The following APBB2 variants were observed in gnomAD, a reference collection of about 807,000 sequenced individuals.
The protein encoded by APBB2 is amyloid beta precursor protein binding family B member 2.
APBB2 carries 38 observed loss-of-function variants against 82.5 expected under a neutral mutation model. The ratio of observed to expected loss-of-function variants is 0.46; its 90% CI spans 0.36 to 0.60. The LOEUF is 0.60. Among genes scored for constraint, APBB2 ranks in the 20% least tolerant of loss-of-function variants. The pLI, the probability that APBB2 is intolerant of heterozygous loss-of-function variation, is 0.00. For missense variants in APBB2, 772 were observed against 972.3 expected (o/e 0.79, Z 2.74); for synonymous variants, 341 against 368.2 (o/e 0.93, Z 0.85).
chr4:41,045,175 T>G (rs1722940843), intron 4 of APBB2, among the ~76,000 whole-genome samples: 1 of 152,190 alleles, frequency 6.6e-6, no homozygotes, highest in African/African-American at 2.4e-5. Flanking sequence ...GAGTTCTGTC[T>G]CCTTGTCTCT....
chr4:40,961,956 A>G (rs748497481), intron 6 of APBB2, among the ~76,000 whole-genome samples: 2 of 152,220 alleles, frequency 1.3e-5, no homozygotes, highest in African/African-American at 2.4e-5. Context: ...CCAGTCATTA[A>G]TCTGACTCAA....
At position 40,821,924 on chromosome 4, in the gene APBB2, A is replaced by G; in HGVS notation, c.2059T>C (p.Trp687Arg). Residue 687 changes from tryptophan (W) to arginine (R), a missense_variant, in exon 17 of 18, where the codon TGG (tryptophan) becomes CGG (arginine). Physicochemically the swap from Trp to Arg is moderately radical, Grantham distance 101. Coordinates refer to ENST00000508593, the MANE Select transcript of APBB2 (RefSeq NM_004307.2). Reference protein sequence around the residue: ...GNQRFECHVFWCEPNAGNVSE... With the variant: ...GNQRFECHVFRCEPNAGNVSE... Reference sequence around the variant, plus strand: ...ACGTTACCAGCATTAGGCTCGCACCAGAAAACGTGGCACTCAAAGCGCTGG... The same window carrying G: ...ACGTTACCAGCATTAGGCTCGCACCGGAAAACGTGGCACTCAAAGCGCTGG... 1.2e-6 allele frequency: 2 copies of G among 1,614,134 alleles called. No individual in the cohort carries two copies. The highest frequency in any genetic ancestry group is 1.7e-6 in the Non-Finnish European group (2 of 1,180,034).
intron 10 of APBB2, among the ~76,000 whole-genome samples, chr4:40,930,420 A>AGTGTGTGTGT (rs566261600): frequency 6.2e-5 from 9 of 145,796 alleles, no homozygotes; most frequent in African/African-American, 1.5e-4. Context: ...TCTTTGGGGA[A>AGTGTGTGTGT]GTGTGTGTGT....
chr4:41,167,713 G>A (rs1266075033), intron 1 of APBB2, among the ~76,000 whole-genome samples: 1 of 152,140 alleles, frequency 6.6e-6, no homozygotes, highest in African/African-American at 2.4e-5. Flanking sequence ...GTTCAAAAAC[G>A]GACAAACCCT....
Position 40,986,781 on chromosome 4 carries a change from T to C in APBB2, c.835+26802A>G, listed in dbSNP as rs79106878. 7.7e-3 allele frequency among the ~76,000 whole-genome samples: 1,170 copies of C among 152,280 alleles called. 8 individuals are homozygous for C. Among genetic ancestry groups the C allele is most frequent in the Non-Finnish European group, 0.013 (918 of 68,014 alleles). ...AGCCCTCGTGAAAGCACTGAAGAAA[T>C]CATTCAAAAAGATCTTTATTTCAAA... On this transcript the variant is annotated intron_variant, in intron 6 of 17. Transcript: ENST00000508593.
intron 1 of APBB2, among the ~76,000 whole-genome samples, chr4:41,190,211 A>G (rs1020330222): frequency 3.6e-5 from 5 of 137,176 alleles, no homozygotes; most frequent in Admixed American, 3.6e-4. Context: ...TCTAAAACTT[A>G]CTATATCAAA....
intron 4 of APBB2, among the ~76,000 whole-genome samples, chr4:41,046,994 C>A (rs1175773776): frequency 6.6e-6 from 1 of 152,206 alleles, no homozygotes; most frequent in African/African-American, 2.4e-5. Context: ...ATTCCCCTAG[C>A]CTGCCTTGGT....
chr4:41,131,521 T>C (rs1224648920), intron 2 of APBB2, among the ~76,000 whole-genome samples: 2 of 152,150 alleles, frequency 1.3e-5, no homozygotes. Flanking sequence ...CCTAATAGAT[T>C]AAAATTCCTG....
chr4:41,154,210 C>G (rs186514303), intron 1 of APBB2, among the ~76,000 whole-genome samples: 1 of 152,316 alleles, frequency 6.6e-6, no homozygotes, highest in African/African-American at 2.4e-5. Flanking sequence ...CCTTTGGAGG[C>G]AGCAGGCCTT....
At chr4:41,214,275 G>A (rs1241748307) in intron 1 of APBB2, 130 bp downstream of exon 1, 2 of 152,316 alleles carry the variant, frequency 1.3e-5, no homozygotes, top group African/African-American at 4.8e-5. Context: ...GGGGCCGGGA[G>A]CAGAGGAGAA....
rs1213469018 is a variant in APBB2 at position 40,815,861 on chromosome 4, T to G, written c.*231A>C. The G allele has an allele frequency of 2.0e-6, 1 of 497,962 alleles. No individual in the cohort carries two copies. The highest frequency in any genetic ancestry group is 3.0e-5 in the East Asian group (1 of 32,840). 30.8% of individuals were successfully genotyped at this position (497,962 alleles called of 1,614,324 possible). A position where few individuals can be genotyped will look rare whatever the true frequency, so the allele number is the denominator to read the frequency against. ...AATATTTACAATAAGAAAAAGACCT[T>G]CCACTGCGCATGATGTAACTTACAG... is the stretch of plus-strand genomic sequence containing the variant. On this transcript the variant is annotated 3_prime_UTR_variant, in exon 18 of 18. Transcript: ENST00000508593.
chr4:41,052,049 A>G (rs1188273623), intron 4 of APBB2, among the ~76,000 whole-genome samples: 1 of 152,122 alleles, frequency 6.6e-6, no homozygotes, highest in Admixed American at 6.5e-5. Flanking sequence ...GAATATTCTT[A>G]AAGCTTTTCA....
chr4:41,092,630 G>A lies in APBB2; in HGVS notation c.-149+8009C>T, dbSNP rs1175441374. On this transcript the variant is annotated intron_variant, in intron 3 of 17. Transcript: ENST00000508593. ...CTTGAACCCGAGAGGCGGAGGTTGT[G>A]GTGAGCCGAGATTGCACCACTGCAC... Among the ~76,000 whole-genome samples, 4 of 151,442 alleles carry A rather than the reference G, an allele frequency of 2.6e-5. No individual in the cohort carries two copies. The East Asian group carries it at 5.8e-4, about 22-fold the overall frequency.
intron 10 of APBB2, among the ~76,000 whole-genome samples, chr4:40,921,337 T>C (rs143137717): frequency 4.0e-4 from 61 of 152,284 alleles, no homozygotes; most frequent in African/African-American, 1.2e-3. Flanking sequence ...TTTAAGGAAG[T>C]TGTTTAGGTT....
chr4:41,136,456 G>A (rs1158393992), intron 2 of APBB2, among the ~76,000 whole-genome samples: 1 of 152,154 alleles, frequency 6.6e-6, no homozygotes, highest in African/African-American at 2.4e-5. Context: ...ATTCCATGTT[G>A]CTCTATGGAT....
chr4:41,098,389 T>C (rs1457969849), intron 3 of APBB2, among the ~76,000 whole-genome samples: 2 of 152,094 alleles, frequency 1.3e-5, no homozygotes, highest in African/African-American at 4.8e-5. Flanking sequence ...TCTTTCGTTG[T>C]CCAGGCTAGT....
At chr4:40,896,673 C>T (rs547225862) in intron 10 of APBB2, among the ~76,000 whole-genome samples, 1 of 152,300 alleles carries the variant, frequency 6.6e-6, no homozygotes, top group East Asian at 1.9e-4. Context: ...ATTAGGGTGA[C>T]CACATGTCCC....
chr4:41,046,072 T>C (rs1396622127), intron 4 of APBB2, among the ~76,000 whole-genome samples: 1 of 152,186 alleles, frequency 6.6e-6, no homozygotes, highest in Non-Finnish European at 1.5e-5. Context: ...CCATATATCT[T>C]TAAAAAAACA....
chr4:40,849,574 C>A (rs996803837), intron 12 of APBB2, among the ~76,000 whole-genome samples: 2 of 152,130 alleles, frequency 1.3e-5, no homozygotes, highest in African/African-American at 4.8e-5. Context: ...ATTCCCATAC[C>A]TGCTGAGGCA....
Sources: gnomAD v4.1 joint callset for allele counts (sites outside exome capture counted in the v4.1 genomes callset) on GRCh38, gnomAD v4.1.1 for gene constraint, MANE v1.5 for transcripts, NCBI Gene and HGNC (gene_info 2026-07-23, HGNC 2026-07-21) for gene names.